Variants in ZNF609 observed in about 807,000 individuals in gnomAD.
ZNF609 encodes zinc finger protein 609.
Under a neutral mutation model 109.5 loss-of-function variants are expected in ZNF609, and 11 were observed. The ratio of observed to expected loss-of-function variants is 0.10; its 90% CI spans 0.06 to 0.17. The LOEUF (loss-of-function observed/expected upper bound fraction) is 0.17, where lower values mean the gene tolerates loss of function less well. Among genes scored for constraint, ZNF609 ranks in the 10% least tolerant of loss-of-function variants. ZNF609 has a pLI of 1.00. For synonymous variants in ZNF609, 646 were observed against 662.0 expected (o/e 0.98, Z 0.37); for missense variants, 1,559 against 1,772.4 (o/e 0.88, Z 2.16).
intron 2 of ZNF609, among the ~76,000 whole-genome samples, chr15:64,557,790 A>C (rs954073541): frequency 6.6e-6 from 1 of 152,070 alleles, no homozygotes; most frequent in African/African-American, 2.4e-5. Context: ...TGCGCCTCCC[A>C]GGTTCACGCC....
At chr15:64,519,661 C>T (rs1313212358) in intron 2 of ZNF609, among the ~76,000 whole-genome samples, 1 of 152,162 alleles carries the variant, frequency 6.6e-6, no homozygotes. Context: ...TTTATTTTAA[C>T]CATTTGCCAT....
At chr15:64,672,941 C>A (rs538798256) in intron 4 of ZNF609, among the ~76,000 whole-genome samples, 1 of 142,840 alleles carries the variant, frequency 7.0e-6, no homozygotes, top group Non-Finnish European at 1.5e-5. Flanking sequence ...TCCAGCCTGG[C>A]GACAGAGCAA....
chr15:64,559,882 G>T (rs192558353), intron 2 of ZNF609, among the ~76,000 whole-genome samples: 42 of 152,216 alleles, frequency 2.8e-4, no homozygotes, highest in African/African-American at 9.9e-4. Flanking sequence ...AATAGTATCC[G>T]TAGCAATAAT....
intron 2 of ZNF609, among the ~76,000 whole-genome samples, chr15:64,579,756 T>C (rs779357350): frequency 1.3e-5 from 2 of 152,118 alleles, no homozygotes; most frequent in Non-Finnish European, 2.9e-5. Flanking sequence ...CCCTTCTTTG[T>C]CCTTTGTGCT....
intron 2 of ZNF609, among the ~76,000 whole-genome samples, chr15:64,596,374 T>G (rs1895398515): frequency 6.6e-6 from 1 of 152,174 alleles, no homozygotes; most frequent in Admixed American, 6.6e-5. Context: ...CAGGCTAGTC[T>G]CAAACTCCTG....
intron 4 of ZNF609, among the ~76,000 whole-genome samples, chr15:64,670,923 C>T (rs998767076): frequency 9.1e-5 from 13 of 142,240 alleles, no homozygotes; most frequent in Non-Finnish European, 9.1e-5. Context: ...TTAAAGTGTT[C>T]GGGGGGCCGG....
chr15:64,493,945 T>A (rs1301387694), intron 1 of ZNF609, among the ~76,000 whole-genome samples: 2 of 152,246 alleles, frequency 1.3e-5, no homozygotes, highest in Admixed American at 6.5e-5. Flanking sequence ...GTTTGGCTGC[T>A]GCAGCCAGGC....
At position 64,529,723 on chromosome 15, in the gene ZNF609, G is replaced by A. The variant is rs114454635; in HGVS notation, c.747+29557G>A. 3.1e-3 allele frequency: 1,955 copies of A among 640,398 alleles called. 6 individuals carry two copies. The highest frequency in any genetic ancestry group is 4.8e-3 in the Non-Finnish European group (1,654 of 343,236). The allele number at this position is 640,398 out of a possible 1,614,324, so 39.7% of individuals were successfully genotyped here. A position where few individuals can be genotyped will look rare whatever the true frequency, so the allele number is the denominator to read the frequency against. ...GCGAGAGAATATGTGGCTGTCTGTC[G>A]AACAGGAGGAGCAGAGACTTTTTTG... On this transcript the variant is annotated intron_variant, in intron 2 of 9. Transcript: ENST00000326648.
intron 3 of ZNF609, among the ~76,000 whole-genome samples, chr15:64,655,437 C>G (rs1424753005): frequency 2.0e-5 from 3 of 151,732 alleles, no homozygotes; most frequent in Non-Finnish European, 4.4e-5. Flanking sequence ...ACTCCATCCC[C>G]CGCAAAAAAT....
chr15:64,482,070 C>T (rs182403661), intron 1 of ZNF609, among the ~76,000 whole-genome samples: 26 of 152,220 alleles, frequency 1.7e-4, no homozygotes, highest in Non-Finnish European at 3.1e-4. Context: ...TGTCAGCCAC[C>T]GTGCCCAGCC....
chr15:64,635,534 C>T (rs997881594), intron 3 of ZNF609, among the ~76,000 whole-genome samples: 17 of 152,124 alleles, frequency 1.1e-4, no homozygotes, highest in African/African-American at 4.1e-4. Context: ...CTGATATTTA[C>T]AACTCTGTAA....
chr15:64,526,112 T>C (rs1212353572), intron 2 of ZNF609, among the ~76,000 whole-genome samples: 11 of 151,378 alleles, frequency 7.3e-5, no homozygotes, highest in African/African-American at 2.7e-4. Context: ...TTCTTTTTTT[T>C]TTTTTTTTTA....
At chr15:64,614,214 C>T (rs112698132) in intron 2 of ZNF609, among the ~76,000 whole-genome samples, 7,282 of 151,102 alleles carry the variant, frequency 0.048, 231 homozygotes, top group South Asian at 0.086. Context: ...AGCCATGTGC[C>T]CAGCCTTTTT....
At chr15:64,652,905 T>C (rs1480045877) in intron 3 of ZNF609, 1 of 153,254 alleles carries the variant, frequency 6.5e-6, no homozygotes, top group Admixed American at 6.5e-5. Context: ...CTGAGTGCAG[T>C]GGTGTTTACA....
intron 2 of ZNF609, among the ~76,000 whole-genome samples, chr15:64,579,709 C>CAAACA (rs1555420672): frequency 2.0e-4 from 29 of 146,900 alleles, no homozygotes; most frequent in Non-Finnish European, 1.2e-4. Flanking sequence ...AACAAACAAA[C>CAAACA]AAAAAAAAAA....
In ZNF609 at chr15:64,640,214, C is replaced by T. The variant is rs950275319; in HGVS notation, c.973+17162C>T. 1.1e-4 allele frequency among the ~76,000 whole-genome samples: 16 copies of T among 151,928 alleles called. 1 individual carries two copies. The South Asian group carries it at 3.3e-3, about 32-fold the overall frequency. On this transcript the variant is annotated intron_variant, in intron 3 of 9. Coordinates refer to ENST00000326648, the MANE Select transcript of ZNF609 (RefSeq NM_015042.2). Reference sequence around the variant, plus strand: ...TTTTAAATCTACTTATTTTATTTTACTTTTTGTAGAGCTGAAATCTCACTT... The same window carrying T: ...TTTTAAATCTACTTATTTTATTTTATTTTTTGTAGAGCTGAAATCTCACTT...
intron 3 of ZNF609, among the ~76,000 whole-genome samples, chr15:64,647,784 C>T (rs2140995212): frequency 6.6e-6 from 1 of 152,250 alleles, no homozygotes; most frequent in East Asian, 1.9e-4. Context: ...CAATAAAGTA[C>T]CTCACATACC....
At chr15:64,594,391 G>A (rs918003513) in intron 2 of ZNF609, among the ~76,000 whole-genome samples, 1 of 151,164 alleles carries the variant, frequency 6.6e-6, no homozygotes, top group Non-Finnish European at 1.5e-5. Flanking sequence ...GGAGTGCAGT[G>A]GTGTGATCTC....
intron 2 of ZNF609, among the ~76,000 whole-genome samples, chr15:64,607,502 CTTTTTTTT>C (rs200902765): frequency 7.6e-6 from 1 of 131,988 alleles, no homozygotes; most frequent in Non-Finnish European, 1.6e-5. Flanking sequence ...TTAAGGCATA[CTTTTTTTT>C]TTTTTTTTTT....
Sources: gnomAD v4.1 joint callset for allele counts (sites outside exome capture counted in the v4.1 genomes callset) on GRCh38, gnomAD v4.1.1 for gene constraint, MANE v1.5 for transcripts, NCBI Gene and HGNC (gene_info 2026-07-23, HGNC 2026-07-21) for gene names.